TENM2: variants seen among roughly 807,000 people sequenced by gnomAD.
TENM2 encodes the protein teneurin transmembrane protein 2.
In TENM2, 52 loss-of-function variants were observed where a neutral mutation model predicts 245.2. That is an observed-to-expected ratio of 0.21 (90% confidence interval 0.17 to 0.27). The LOEUF (loss-of-function observed/expected upper bound fraction) is 0.27. Ranked by LOEUF, TENM2 falls within the 10% of genes least tolerant of loss-of-function variation. The probability of loss-of-function intolerance (pLI) is 1.00; values close to 1 mark genes in which losing one functional copy is unlikely to be tolerated. For synonymous variants in TENM2, 1,363 were observed against 1,438.9 expected (o/e 0.95, Z 1.19); for missense variants, 3,046 against 3,666.8 (o/e 0.83, Z 4.37).
chr5:167,896,613 A>G (rs943810219), intron 3 of TENM2, among the ~76,000 whole-genome samples: 1 of 152,190 alleles, frequency 6.6e-6, no homozygotes, highest in Non-Finnish European at 1.5e-5. Flanking sequence ...CTAAAATCCA[A>G]TACAAAGGTG....
chr5:167,299,409 A>C (rs1755171268), intron 1 of TENM2, among the ~76,000 whole-genome samples: 1 of 152,168 alleles, frequency 6.6e-6, no homozygotes, highest in Admixed American at 6.5e-5. Flanking sequence ...TAGTTATCTG[A>C]CTGGGGACAT....
intron 1 of TENM2, among the ~76,000 whole-genome samples, chr5:167,326,361 T>C (rs1361687390): frequency 6.6e-6 from 1 of 152,090 alleles, no homozygotes; most frequent in Non-Finnish European, 1.5e-5. Flanking sequence ...ATCGTAGTAA[T>C]TTTATACGTA....
intron 2 of TENM2, among the ~76,000 whole-genome samples, chr5:167,625,213 C>G (rs1370438568): frequency 6.6e-6 from 1 of 152,200 alleles, no homozygotes. Flanking sequence ...GTTTGCAAAG[C>G]TAGACTAAGA....
chr5:167,413,326 A>G (rs756743261), intron 2 of TENM2, among the ~76,000 whole-genome samples: 8 of 152,064 alleles, frequency 5.3e-5, no homozygotes, highest in Non-Finnish European at 1.0e-4. Flanking sequence ...GATGTATTCA[A>G]TTTCTTCTCT....
intron 2 of TENM2, among the ~76,000 whole-genome samples, chr5:167,850,094 C>G (rs2909803): frequency 0.15 from 23,526 of 152,148 alleles, 1,916 homozygotes; most frequent in Middle Eastern, 0.22. Flanking sequence ...GGTGACCAGC[C>G]CCCACATCCC....
intron 5 of TENM2, among the ~76,000 whole-genome samples, chr5:168,036,219 G>A (rs998851959): frequency 2.0e-5 from 3 of 152,190 alleles, no homozygotes; most frequent in Non-Finnish European, 2.9e-5. Flanking sequence ...TGCTGTCATT[G>A]CAATGCCTTG....
chr5:167,625,057 C>A (rs557718230), intron 2 of TENM2, among the ~76,000 whole-genome samples: 17 of 152,210 alleles, frequency 1.1e-4, no homozygotes, highest in Admixed American at 1.0e-3. Context: ...CAAATCACTT[C>A]CTTAAATCAT....
At chr5:167,392,156 C>T (rs1482526731) in intron 2 of TENM2, among the ~76,000 whole-genome samples, 1 of 152,050 alleles carries the variant, frequency 6.6e-6, no homozygotes, top group Non-Finnish European at 1.5e-5. Flanking sequence ...GGCTGAGCCT[C>T]ATCAGTACAG....
intron 5 of TENM2, among the ~76,000 whole-genome samples, chr5:168,003,075 T>C (rs550283619): frequency 6.6e-6 from 1 of 152,298 alleles, no homozygotes; most frequent in African/African-American, 2.4e-5. Context: ...TGAGTTTCAT[T>C]TTCCCAGGAC....
chr5:167,646,557 A>G (rs777099136), intron 2 of TENM2, among the ~76,000 whole-genome samples: 11 of 151,982 alleles, frequency 7.2e-5, no homozygotes, highest in Non-Finnish European at 8.8e-5. Context: ...TGTTGGGACT[A>G]ATTTTTTCTT....
At chr5:167,805,202 A>G (rs1010509975) in intron 2 of TENM2, among the ~76,000 whole-genome samples, 1 of 152,102 alleles carries the variant, frequency 6.6e-6, no homozygotes, top group African/African-American at 2.4e-5. Context: ...CACTCGTGTC[A>G]CTGAACAGAT....
At chr5:167,364,952 A>G (rs1169702557) in intron 1 of TENM2, among the ~76,000 whole-genome samples, 1 of 152,072 alleles carries the variant, frequency 6.6e-6, no homozygotes, top group Non-Finnish European at 1.5e-5. Flanking sequence ...GTTGTTGACC[A>G]CCTTGACCTA....
Position 167,883,807 on chromosome 5 carries a change from T to C in TENM2, c.712+7612T>C, listed in dbSNP as rs547674192. Among the ~76,000 whole-genome samples, 6 of 152,366 alleles carry C rather than the reference T, an allele frequency of 3.9e-5. No individual in the cohort carries two copies. In the South Asian group the frequency reaches 1.2e-3, roughly 32 times the overall value. On this transcript the variant is annotated intron_variant, in intron 3 of 28. Transcript: ENST00000518659. ...ATTCAATTCTAACTAGCTTCCTGCGTAATATTCAATAGTAATTTTTAAAAG... is the reference window on the plus strand; with the variant it reads ...ATTCAATTCTAACTAGCTTCCTGCGCAATATTCAATAGTAATTTTTAAAAG...
intron 2 of TENM2, among the ~76,000 whole-genome samples, chr5:167,783,313 G>A (rs1385786723): frequency 6.6e-6 from 1 of 151,976 alleles, no homozygotes; most frequent in Non-Finnish European, 1.5e-5. Context: ...TCTGGGAGAT[G>A]GTAAGGGCCA....
At chr5:167,766,292 C>G (rs1763014683) in intron 2 of TENM2, among the ~76,000 whole-genome samples, 1 of 152,004 alleles carries the variant, frequency 6.6e-6, no homozygotes, top group African/African-American at 2.4e-5. Context: ...ATATTTAGAG[C>G]ATTAAATGGA....
intron 27 of TENM2, among the ~76,000 whole-genome samples, chr5:168,254,503 GGGGA>G (rs1016896754): frequency 2.1e-5 from 3 of 140,768 alleles, no homozygotes; most frequent in African/African-American, 7.4e-5. Flanking sequence ...AGAGGAAGAA[GGGGA>G]GGAAGAGGAA....
intron 2 of TENM2, among the ~76,000 whole-genome samples, chr5:167,482,759 A>G (rs1767835077): frequency 6.6e-6 from 1 of 152,192 alleles, no homozygotes. Context: ...GAAATTGGAA[A>G]CACCAGTAGA....
intron 2 of TENM2, among the ~76,000 whole-genome samples, chr5:167,438,373 T>C (rs1027506764): frequency 4.6e-5 from 7 of 152,194 alleles, no homozygotes; most frequent in African/African-American, 1.7e-4. Context: ...ACAGTTTACT[T>C]ACAAAATGGT....
chr5:167,054,681 C>T, the TENM2 span, among the ~76,000 whole-genome samples: 1 of 152,240 alleles, frequency 6.6e-6, no homozygotes, highest in East Asian at 1.9e-4. Context: ...GCTCCACATC[C>T]TAACCAGGAG....
Sources: allele counts gnomAD v4.1 joint callset (sites outside exome capture counted in the v4.1 genomes callset), GRCh38; gene constraint gnomAD v4.1.1; transcripts MANE v1.5; gene names NCBI Gene and HGNC (gene_info 2026-07-23, HGNC 2026-07-21).